SUN2: variants seen among roughly 807,000 people sequenced by gnomAD.
SUN2 encodes SUN domain-containing protein 2.
Under a neutral mutation model 100.0 loss-of-function variants are expected in SUN2, and 60 were observed. The observed-to-expected ratio is 0.60, with a 90% CI of 0.49 to 0.74. The LOEUF (loss-of-function observed/expected upper bound fraction) is 0.74, where lower values mean the gene tolerates loss of function less well. SUN2 is among the 30% of genes least tolerant of loss of function. The pLI, the probability that SUN2 is intolerant of heterozygous loss-of-function variation, is 0.00. For missense variants in SUN2, 834 were observed against 954.6 expected (o/e 0.87, Z 1.66); for synonymous variants, 367 against 403.3 (o/e 0.91, Z 1.08).
At chr22:38,742,185 G>T in intron 9 of SUN2, 116 bp downstream of exon 9, 1 of 1,325,026 alleles carries the variant, frequency 7.5e-7, no homozygotes. Context: ...GGGAGTAACT[G>T]CAAAATGGCA....
rs369549176 is a variant in SUN2 at position 38,737,906 on chromosome 22, C to A, written c.2040+267G>T. Reference sequence around the variant, plus strand: ...CTCCCGGCCTTCCTTTCCTGGCCACCCAACCCCTCTTGTGTAAAGCCCACC... The same window carrying A: ...CTCCCGGCCTTCCTTTCCTGGCCACACAACCCCTCTTGTGTAAAGCCCACC... On this transcript the variant is annotated intron_variant, in intron 17 of 17. Coordinates refer to ENST00000689035, the MANE Select transcript of SUN2 (RefSeq NM_015374.3). This position sits in a 1 kb window ranked among gnomAD's most constrained non-coding sequence, Gnocchi z 4.1. The A allele has an allele frequency of 1.2e-5, 8 of 654,494 alleles. No homozygotes were observed. In the African/African-American group the frequency reaches 1.3e-4, roughly 10 times the overall value. 40.5% of individuals were successfully genotyped at this position (654,494 alleles called of 1,614,324 possible).
Position 38,750,323 on chromosome 22 carries a change from G to T in SUN2, c.425-3C>A, listed in dbSNP as rs368321480. The T allele has an allele frequency of 5.8e-5, 93 of 1,613,778 alleles. No individual in the cohort carries two copies. The highest frequency in any genetic ancestry group is 1.1e-4 in the South Asian group (10 of 91,084). On this transcript the variant is annotated splice_polypyrimidine_tract_variant and splice_region_variant and intron_variant, in intron 4 of 17. Coordinates refer to ENST00000689035, the MANE Select transcript of SUN2 (RefSeq NM_015374.3). ...CTGCTGGTCCACATCCGAGTAGCCT[G>T]CGGGGAACGAGGACACTGGCTCAGT... is the stretch of plus-strand genomic sequence containing the variant.
rs1043441 is a variant in SUN2 at position 38,734,959 on chromosome 22, C to T, written c.*1308G>A. 71,291 of 269,228 alleles carry T rather than the reference C, an allele frequency of 0.26. 10,532 individuals are homozygous for T. The highest frequency in any genetic ancestry group is 0.45 in the East Asian group (3,767 of 8,308). The allele number at this position is 269,228 out of a possible 1,614,324, so 16.7% of individuals were successfully genotyped here. A position where few individuals can be genotyped will look rare whatever the true frequency, so the allele number is the denominator to read the frequency against. ...CCTGCCCGCCTTCTTGCCCCTTCCC[C>T]GCAGCCAGACCACCAGACACAGCCG... On this transcript the variant is annotated 3_prime_UTR_variant, in exon 18 of 18. Transcript: ENST00000689035.
chr22:38,740,362 G>C lies in SUN2; in HGVS notation c.1261C>G (p.Leu421Val), dbSNP rs780688397. 1.1e-5 allele frequency: 18 copies of C among 1,580,174 alleles called. No individual in the cohort carries two copies. The highest frequency in any genetic ancestry group is 1.5e-5 in the Non-Finnish European group (18 of 1,163,062). The change falls in exon 12 of 18, where the codon CTG (leucine) becomes GTG (valine). Residue 421 changes from leucine (L) to valine (V), a missense_variant. Leu to Val is a conservative substitution (Grantham distance 32). Around this residue, in one of 3 missense-constraint regions of SUN2, gnomAD observed 559 missense variants for 597.7 expected, o/e 0.94. Coordinates refer to ENST00000689035, the MANE Select transcript of SUN2 (RefSeq NM_015374.3). The surrounding 1 kb of genome is among the most constrained non-coding windows in gnomAD (Gnocchi z 4.8). ...LRRLEDQLAG[L>V]QQELAALALK... is the part of the protein sequence containing the mutation. ...GCCAGAGCCGCCAGCTCCTGCTGCA[G>C]GCCGGCCAGCTGGTCCTCCAGCCGC... is the stretch of plus-strand genomic sequence containing the variant.
Position 38,755,126 on chromosome 22 carries a change from T to C in SUN2, c.-38+637A>G. 1.0e-6 allele frequency: 1 copy of C among 980,980 alleles called. No homozygotes were observed. Among genetic ancestry groups the C allele is most frequent in the Non-Finnish European group, 1.3e-6 (1 of 749,972 alleles). 60.8% of individuals were successfully genotyped at this position (980,980 alleles called of 1,614,324 possible). ...TCCGCCCTTCCCCATCACAAACATC[T>C]CCATCCATCTTCAGACTTAAACCAG... On this transcript the variant is annotated intron_variant, in intron 1 of 17. Coordinates refer to ENST00000689035, the MANE Select transcript of SUN2 (RefSeq NM_015374.3). This position sits in a 1 kb window ranked among gnomAD's most constrained non-coding sequence, Gnocchi z 5.7.
chr22:38,735,291 G>A lies in SUN2; in HGVS notation c.*976C>T, dbSNP rs567591210. The A allele has an allele frequency of 6.6e-5, 30 of 453,736 alleles. No homozygotes were observed. The highest frequency in any genetic ancestry group is 1.0e-4 in the Non-Finnish European group (23 of 226,028). 28.1% of individuals were successfully genotyped at this position (453,736 alleles called of 1,614,324 possible). A position where few individuals can be genotyped will look rare whatever the true frequency, so the allele number is the denominator to read the frequency against. Reference sequence around the variant, plus strand: ...GCCCAAGGGGGCAGCCTGAGCGGACGACCCCTACATCAGGGCCTGGTTAGA... The same window carrying A: ...GCCCAAGGGGGCAGCCTGAGCGGACAACCCCTACATCAGGGCCTGGTTAGA... On this transcript the variant is annotated 3_prime_UTR_variant, in exon 18 of 18. Transcript: ENST00000689035.
chr22:38,741,364 C>T, intron 10 of SUN2, 130 bp downstream of exon 10: 1 of 945,984 alleles, frequency 1.1e-6, no homozygotes, highest in African/African-American at 1.6e-5. Flanking sequence ...ACAGAGAAGT[C>T]AGAGGAGGGC....
chr22:38,738,817 G>A lies in SUN2; in HGVS notation c.1779+56C>T. The A allele has an allele frequency of 3.8e-6, 6 of 1,599,224 alleles. No homozygotes were observed. The highest frequency in any genetic ancestry group is 5.1e-6 in the Non-Finnish European group (6 of 1,170,442). On this transcript the variant is annotated intron_variant, in intron 15 of 17. Coordinates refer to ENST00000689035, the MANE Select transcript of SUN2 (RefSeq NM_015374.3). This position sits in a 1 kb window ranked among gnomAD's most constrained non-coding sequence, Gnocchi z 6.6. ...AGTCCAGCTCTTGCTGACCCCAGAT[G>A]GGACCAGCCCTCAGTGTGCTCAGAG...
In SUN2 at chr22:38,741,466, A is replaced by G. The variant is rs778770362; in HGVS notation, c.1146+28T>C. The G allele has an allele frequency of 5.0e-6, 8 of 1,606,242 alleles. No individual in the cohort carries two copies. In the East Asian group the frequency reaches 8.9e-5, roughly 18 times the overall value. On this transcript the variant is annotated intron_variant, in intron 10 of 17. Coordinates refer to ENST00000689035, the MANE Select transcript of SUN2 (RefSeq NM_015374.3). ...TTGGATGGGGTCAGGACCCAGTCACAGGCCCTGAGTGCCGCAAGCCCGCTG... is the reference window on the plus strand; with the variant it reads ...TTGGATGGGGTCAGGACCCAGTCACGGGCCCTGAGTGCCGCAAGCCCGCTG...
In SUN2 at chr22:38,741,485, C is replaced by A. The variant is rs918399196; in HGVS notation, c.1146+9G>T. On this transcript the variant is annotated intron_variant, in intron 10 of 17. Transcript: ENST00000689035. ...AGTCACAGGCCCTGAGTGCCGCAAG[C>A]CCGCTGACCTGGGAGGCCCGGACGA... is the stretch of plus-strand genomic sequence containing the variant. 6.2e-7 allele frequency: 1 copy of A among 1,613,590 alleles called. No homozygotes were observed. The highest frequency in any genetic ancestry group is 1.3e-5 in the African/African-American group (1 of 74,936).
rs149140279 is a variant in SUN2, at chr22:38,739,414, T to C, written c.1591A>G (p.Ile531Val). ...IGVTEEQVHH[I>V]VKQALQRYSE... ...TAGCGCTGCAGGGCCTGCTTCACGA[T>C]GTGGTGCACCTGCTGCAATGCAGGC... The change falls in exon 14 of 18, where the codon ATC becomes GTC. Residue 531 changes from isoleucine (I) to valine (V), a missense_variant. Physicochemically the swap from Ile to Val is conservative, Grantham distance 29. Around this residue, in one of 3 missense-constraint regions of SUN2, gnomAD observed 195 missense variants for 280.2 expected, o/e 0.70. Coordinates refer to ENST00000689035, the MANE Select transcript of SUN2 (RefSeq NM_015374.3). The surrounding 1 kb of genome is among the most constrained non-coding windows in gnomAD (Gnocchi z 6.7). The C allele has an allele frequency of 1.7e-4, 273 of 1,612,946 alleles. No homozygotes were observed. Among genetic ancestry groups the C allele is most frequent in the Non-Finnish European group, 3.6e-5 (42 of 1,180,004 alleles).
At chr22:38,750,409 C>T (rs2092936167) in intron 4 of SUN2, 89 bp from the exon 5 acceptor site, 1 of 1,560,674 alleles carries the variant, frequency 6.4e-7, no homozygotes, top group Non-Finnish European at 8.7e-7. Context: ...ACAAGTCACC[C>T]ACCCTCCTTC....
rs998623669 is a variant in SUN2 at position 38,739,084 on chromosome 22, G to A, written c.1664-96C>T. 6.4e-6 allele frequency: 8 copies of A among 1,249,306 alleles called. No homozygotes were observed. The highest frequency in any genetic ancestry group is 4.5e-5 in the African/African-American group (3 of 67,078). 77.4% of individuals were successfully genotyped at this position (1,249,306 alleles called of 1,614,324 possible). Reference sequence around the variant, plus strand: ...TCCTCGCTGAAGGTGGACGGCAGATGCCCCAGGCCTAGCCTTTAACCCTAA... The same window carrying A: ...TCCTCGCTGAAGGTGGACGGCAGATACCCCAGGCCTAGCCTTTAACCCTAA... On this transcript the variant is annotated intron_variant, in intron 14 of 17. Coordinates refer to ENST00000689035, the MANE Select transcript of SUN2 (RefSeq NM_015374.3). This position sits in a 1 kb window ranked among gnomAD's most constrained non-coding sequence, Gnocchi z 6.7.
chr22:38,741,422 G>T, intron 10 of SUN2, 72 bp downstream of exon 10: 1 of 1,475,702 alleles, frequency 6.8e-7, no homozygotes. Context: ...GAAGGGCCGA[G>T]GGGTCCGAGG....
Position 38,755,935 on chromosome 22 carries a change from G to T in SUN2, c.-210C>A, listed in dbSNP as rs1017572396. ...AGAGCGGCGACGCGGGACAAGGCGG[G>T]CGGGCGGACAATGCGGCCGGCGGAG... On this transcript the variant is annotated 5_prime_UTR_variant, in exon 1 of 18. Coordinates refer to ENST00000689035, the MANE Select transcript of SUN2 (RefSeq NM_015374.3). This position sits in a 1 kb window ranked among gnomAD's most constrained non-coding sequence, Gnocchi z 5.7. 10 of 983,378 alleles carry T rather than the reference G, an allele frequency of 1.0e-5. No homozygotes were observed. The highest frequency in any genetic ancestry group is 6.2e-5 in the Admixed American group (1 of 16,082). 60.9% of individuals were successfully genotyped at this position (983,378 alleles called of 1,614,324 possible).
In SUN2 at chr22:38,736,189, G is replaced by T. The variant is rs760038731; in HGVS notation, c.*78C>A. On this transcript the variant is annotated 3_prime_UTR_variant, in exon 18 of 18. Transcript: ENST00000689035. ...TTGTGCTCCTAGAAGTCAGAGCGCCGAGCAAGCGTGTGGGGGAAGCGGCGG... is the reference window on the plus strand; with the variant it reads ...TTGTGCTCCTAGAAGTCAGAGCGCCTAGCAAGCGTGTGGGGGAAGCGGCGG... The T allele has an allele frequency of 4.4e-6, 6 of 1,370,672 alleles. No homozygotes were observed. Among genetic ancestry groups the T allele is most frequent in the South Asian group, 1.2e-5 (1 of 84,232 alleles). 84.9% of individuals were successfully genotyped at this position (1,370,672 alleles called of 1,614,324 possible).
Position 38,738,582 on chromosome 22 carries a change from C to A in SUN2, c.1947+5G>T. ...CTCTGGCCCCACCACAGGACAGATA[C>A]TCACAAAGATGGCGAAGTCCTTGGG... On this transcript the variant is annotated splice_donor_5th_base_variant and intron_variant, in intron 16 of 17. Coordinates refer to ENST00000689035, the MANE Select transcript of SUN2 (RefSeq NM_015374.3). The surrounding 1 kb of genome is among the most constrained non-coding windows in gnomAD (Gnocchi z 6.6). 6.2e-7 allele frequency: 1 copy of A among 1,611,692 alleles called. No individual in the cohort carries two copies.
Position 38,755,331 on chromosome 22 carries a change from A to ATTGCT in SUN2, c.-38+427_-38+431dup. 28 of 1,092,068 alleles carry ATTGCT rather than the reference A, an allele frequency of 2.6e-5. No homozygotes were observed. Among genetic ancestry groups the ATTGCT allele is most frequent in the Non-Finnish European group, 3.1e-5 (28 of 891,954 alleles). 67.6% of individuals were successfully genotyped at this position (1,092,068 alleles called of 1,614,324 possible). A position where few individuals can be genotyped will look rare whatever the true frequency, so the allele number is the denominator to read the frequency against. On this transcript the variant is annotated intron_variant, in intron 1 of 17. Transcript: ENST00000689035. The surrounding 1 kb of genome is among the most constrained non-coding windows in gnomAD (Gnocchi z 5.7). ...CTCTCTAAGTCACACCGCGCCCCCC[A>ATTGCT]TTGCTTTGTTTTGTTTTGTTTTAGA...
chr22:38,752,462 G>A (rs1191536862), intron 2 of SUN2, 45 bp downstream of exon 2: 1 of 1,571,242 alleles, frequency 6.4e-7, no homozygotes, highest in East Asian at 2.3e-5. Flanking sequence ...GTGACCAAAA[G>A]CTTGTGGGGC....
Sources: allele counts gnomAD v4.1 joint callset, GRCh38; gene constraint gnomAD v4.1.1; regional missense constraint gnomAD v4.1.1; non-coding constraint Gnocchi (gnomAD v3.1); transcripts MANE v1.5; gene names NCBI Gene and HGNC (gene_info 2026-07-23, HGNC 2026-07-21).